OPCML: variants seen among roughly 807,000 people sequenced by gnomAD.
OPCML encodes opioid-binding protein/cell adhesion molecule.
A neutral mutation model predicts 37.8 loss-of-function variants in OPCML; 13 were observed. That is an observed-to-expected ratio of 0.34 (90% CI 0.22 to 0.55). The LOEUF (loss-of-function observed/expected upper bound fraction) is 0.55, where lower values mean the gene tolerates loss of function less well. Among genes scored for constraint, OPCML ranks in the 20% least tolerant of loss-of-function variants. The pLI, the probability that OPCML is intolerant of heterozygous loss-of-function variation, is 0.91. For synonymous variants in OPCML, 176 were observed against 168.8 expected (o/e 1.04, Z -0.33); for missense variants, 341 against 435.6 (o/e 0.78, Z 1.93).
chr11:132,982,562 G>A (rs1230660586), intron 1 of OPCML, among the ~76,000 whole-genome samples: 2 of 151,870 alleles, frequency 1.3e-5, no homozygotes, highest in African/African-American at 4.8e-5. Flanking sequence ...GAGACAGCTG[G>A]GTTTGACATC....
intron 1 of OPCML, among the ~76,000 whole-genome samples, chr11:133,327,402 A>G (rs1378803464): frequency 6.6e-6 from 1 of 151,894 alleles, no homozygotes; most frequent in Non-Finnish European, 1.5e-5. Flanking sequence ...TTGCAGAGAT[A>G]GTGTGGCCTT....
intron 1 of OPCML, among the ~76,000 whole-genome samples, chr11:133,081,147 G>A (rs1591982987): frequency 6.6e-6 from 1 of 152,238 alleles, no homozygotes; most frequent in South Asian, 2.1e-4. Flanking sequence ...CTGACTTCAG[G>A]GTGACAGGCG....
chr11:133,091,866 A>G (rs1948911995), intron 1 of OPCML, among the ~76,000 whole-genome samples: 1 of 152,118 alleles, frequency 6.6e-6, no homozygotes, highest in African/African-American at 2.4e-5. Context: ...AAATGCATTA[A>G]GACTTTTGGG....
chr11:132,558,292 TCTTCTCCCCTCCTCCTCTCCCC>T (rs2096400711), intron 3 of OPCML, among the ~76,000 whole-genome samples: 1 of 107,414 alleles, frequency 9.3e-6, no homozygotes, highest in African/African-American at 4.9e-5. Context: ...TTCCTCTTCC[TCTTCTCCCCTCCTCCTCTCCCC>T]CTCCTCCCCT....
chr11:132,931,384 A>G (rs1366760988), intron 2 of OPCML, among the ~76,000 whole-genome samples: 3 of 152,190 alleles, frequency 2.0e-5, no homozygotes, highest in Non-Finnish European at 4.4e-5. Context: ...TAATAAGGCA[A>G]TCCACAGAAT....
chr11:133,099,662 C>G (rs1284769568), intron 1 of OPCML, among the ~76,000 whole-genome samples: 2 of 151,928 alleles, frequency 1.3e-5, no homozygotes, highest in African/African-American at 2.4e-5. Context: ...ATTTCTGTAA[C>G]GAGTAGAGAT....
At chr11:133,198,313 G>A (rs1230062402) in intron 1 of OPCML, among the ~76,000 whole-genome samples, 1 of 152,224 alleles carries the variant, frequency 6.6e-6, no homozygotes, top group Non-Finnish European at 1.5e-5. Context: ...ACAGTTCTGA[G>A]TTTTAAAAAG....
chr11:133,193,813 A>C (rs1485432598), intron 1 of OPCML, among the ~76,000 whole-genome samples: 1 of 152,228 alleles, frequency 6.6e-6, no homozygotes, highest in African/African-American at 2.4e-5. Context: ...GAAGTCCTTG[A>C]GGGGAGATAA....
chr11:133,133,566 C>T (rs919781149), intron 1 of OPCML, among the ~76,000 whole-genome samples: 8 of 152,150 alleles, frequency 5.3e-5, no homozygotes, highest in African/African-American at 1.4e-4. Context: ...TGATCACCCT[C>T]GGAAAACGTG....
chr11:133,042,311 G>A (rs531565769), intron 1 of OPCML, among the ~76,000 whole-genome samples: 16 of 152,310 alleles, frequency 1.1e-4, no homozygotes, highest in Middle Eastern at 6.8e-3. Flanking sequence ...TCGTGTGTAC[G>A]GAGTGAAGAA....
At chr11:132,664,359 A>G (rs913283666) in intron 2 of OPCML, among the ~76,000 whole-genome samples, 2 of 152,160 alleles carry the variant, frequency 1.3e-5, no homozygotes, top group Non-Finnish European at 2.9e-5. Context: ...AGAGTACTCA[A>G]TTTAAGAAAT....
At chr11:132,445,430 C>T (rs1190206584) in intron 4 of OPCML, among the ~76,000 whole-genome samples, 1 of 152,176 alleles carries the variant, frequency 6.6e-6, no homozygotes, top group African/African-American at 2.4e-5. Flanking sequence ...TACACTGGGG[C>T]TCTTGAACTC....
chr11:132,557,844 G>C (rs1436066173), intron 3 of OPCML, among the ~76,000 whole-genome samples: 5 of 152,130 alleles, frequency 3.3e-5, no homozygotes, highest in Non-Finnish European at 1.5e-5. Flanking sequence ...GTCAGAAAAG[G>C]CTCTGCAGAA....
chr11:132,565,980 T>C (rs1354183319), intron 3 of OPCML, among the ~76,000 whole-genome samples: 1 of 152,010 alleles, frequency 6.6e-6, no homozygotes, highest in Non-Finnish European at 1.5e-5. Flanking sequence ...TTGCAGTGAG[T>C]AGAGATTGCA....
At chr11:133,318,061 C>T (rs1048664132) in intron 1 of OPCML, among the ~76,000 whole-genome samples, 2 of 152,138 alleles carry the variant, frequency 1.3e-5, no homozygotes, top group African/African-American at 2.4e-5. Context: ...TACTTGCCAA[C>T]GACAAAAACC....
chr11:132,455,731 T>C (rs1216168170), intron 4 of OPCML, among the ~76,000 whole-genome samples: 5 of 152,060 alleles, frequency 3.3e-5, no homozygotes, highest in Admixed American at 1.3e-4. Flanking sequence ...TGATAGAGAC[T>C]ACCGTTGTCT....
At chr11:133,405,700 G>C (rs1945510972) in intron 1 of OPCML, among the ~76,000 whole-genome samples, 1 of 151,348 alleles carries the variant, frequency 6.6e-6, no homozygotes, top group East Asian at 2.0e-4. Flanking sequence ...CCACTGACAG[G>C]GACAACAGCA....
chr11:133,090,903 C>T (rs980826948), intron 1 of OPCML, among the ~76,000 whole-genome samples: 2 of 152,186 alleles, frequency 1.3e-5, no homozygotes, highest in African/African-American at 4.8e-5. Flanking sequence ...TAGAAAGAAG[C>T]TAGATGCTAT....
Position 132,517,664 on chromosome 11 carries a change from C to A in OPCML, c.505+11397G>T, listed in dbSNP as rs184927940. 4.6e-5 allele frequency among the ~76,000 whole-genome samples: 7 copies of A among 152,288 alleles called. No homozygotes were observed. In the East Asian group the frequency reaches 9.7e-4, roughly 21 times the overall value. ...ATTTCAATAGCATAATTTGATATAG[C>A]AATTGCATAGAGAAGGCTTTACAAC... On this transcript the variant is annotated intron_variant, in intron 4 of 7. Coordinates refer to ENST00000524381, the MANE Select transcript of OPCML (RefSeq NM_001012393.5).
Sources: gnomAD v4.1 joint callset for allele counts (sites outside exome capture counted in the v4.1 genomes callset) on GRCh38, gnomAD v4.1.1 for gene constraint, MANE v1.5 for transcripts, NCBI Gene and HGNC (gene_info 2026-07-23, HGNC 2026-07-21) for gene names.